Variants in ZZZ3 observed in about 807,000 individuals in gnomAD.
ZZZ3 encodes the protein zinc finger ZZ-type containing 3.
A neutral mutation model predicts 95.2 loss-of-function variants in ZZZ3; 22 were observed. The observed-to-expected ratio is 0.23, with a 90% confidence interval of 0.17 to 0.33. ZZZ3 has a LOEUF of 0.33. Ranked by LOEUF, ZZZ3 falls within the 10% of genes least tolerant of loss-of-function variation. The pLI, the probability that ZZZ3 is intolerant of heterozygous loss-of-function variation, is 1.00. For missense variants in ZZZ3, 885 were observed against 1,066.5 expected (o/e 0.83, Z 2.37); for synonymous variants, 335 against 358.9 (o/e 0.93, Z 0.75).
chr1:77,592,085 G>A (rs968068629), intron 5 of ZZZ3, among the ~76,000 whole-genome samples: 2 of 152,000 alleles, frequency 1.3e-5, no homozygotes, highest in South Asian at 2.1e-4. Context: ...TGGGACTGAG[G>A]AAAGAATACA....
intron 5 of ZZZ3, among the ~76,000 whole-genome samples, chr1:77,620,496 A>C (rs985884695): frequency 8.7e-6 from 1 of 114,702 alleles, no homozygotes; most frequent in African/African-American, 5.4e-5. Context: ...GAAGGAAGGA[A>C]GGAAGGAAGG....
At chr1:77,599,071 AG>A (rs1478605735) in intron 5 of ZZZ3, among the ~76,000 whole-genome samples, 3 of 152,276 alleles carry the variant, frequency 2.0e-5, no homozygotes, top group African/African-American at 7.2e-5. Flanking sequence ...GTCCTTTTAT[AG>A]AATCATATTA....
At chr1:77,583,514 C>T (rs551449652) in intron 6 of ZZZ3, among the ~76,000 whole-genome samples, 3 of 151,994 alleles carry the variant, frequency 2.0e-5, no homozygotes, top group East Asian at 1.9e-4. Context: ...ATATCTATTA[C>T]GATATTCAAT....
intron 1 of ZZZ3, among the ~76,000 whole-genome samples, chr1:77,659,824 TTTTGTTTG>T (rs373522358): frequency 4.7e-5 from 7 of 150,384 alleles, no homozygotes; most frequent in African/African-American, 1.7e-4. Context: ...GTTGTTGTGG[TTTTGTTTG>T]TTTGTTTGTT....
At position 77,639,532 on chromosome 1, in the gene ZZZ3, GAGCTTA is replaced by G; in HGVS notation, c.-141_-136del. 7.4e-7 allele frequency: 1 copy of G among 1,347,652 alleles called. No homozygotes were observed. The highest frequency in any genetic ancestry group is 1.7e-5 in the South Asian group (1 of 58,886). 83.5% of individuals were successfully genotyped at this position (1,347,652 alleles called of 1,614,324 possible). A position where few individuals can be genotyped will look rare whatever the true frequency, so the allele number is the denominator to read the frequency against. ...GGAGTTGGAGCTATGATCTAGAATGGAGCTTAAGCATCAGGGTTTCAGACTCTCTCA... is the reference window on the plus strand; with the variant it reads ...GGAGTTGGAGCTATGATCTAGAATGGAGCATCAGGGTTTCAGACTCTCTCA... On this transcript the variant is annotated 5_prime_UTR_variant, in exon 4 of 15. Coordinates refer to ENST00000370801, the MANE Select transcript of ZZZ3 (RefSeq NM_015534.6).
At chr1:77,630,847 T>A (rs1359593514) in intron 5 of ZZZ3, among the ~76,000 whole-genome samples, 1 of 152,216 alleles carries the variant, frequency 6.6e-6, no homozygotes, top group Non-Finnish European at 1.5e-5. Flanking sequence ...ATCTGACACA[T>A]ACCAGGGTCT....
At chr1:77,578,563 T>G (rs1662193723) in intron 11 of ZZZ3, among the ~76,000 whole-genome samples, 1 of 152,242 alleles carries the variant, frequency 6.6e-6, no homozygotes, top group African/African-American at 2.4e-5. Flanking sequence ...TCATTCACAT[T>G]ACTCCAAAGA....
chr1:77,601,987 T>C (rs2100678614), intron 5 of ZZZ3, among the ~76,000 whole-genome samples: 1 of 152,340 alleles, frequency 6.6e-6, no homozygotes, highest in South Asian at 2.1e-4. Flanking sequence ...TCCGCTCTGC[T>C]AATCTGCTGA....
chr1:77,664,179 C>T (rs1157690700), intron 1 of ZZZ3, among the ~76,000 whole-genome samples: 1 of 151,840 alleles, frequency 6.6e-6, no homozygotes, highest in East Asian at 1.9e-4. Context: ...CTGTAGTAGC[C>T]TAATTAATCT....
At position 77,566,069 on chromosome 1, in the gene ZZZ3, G is replaced by T. The variant is rs760361310; in HGVS notation, c.2567+12C>A. 16 of 1,598,484 alleles carry T rather than the reference G, an allele frequency of 1.0e-5. No homozygotes were observed. The South Asian group carries it at 1.8e-4, about 18-fold the overall frequency. On this transcript the variant is annotated intron_variant, in intron 14 of 14. Coordinates refer to ENST00000370801, the MANE Select transcript of ZZZ3 (RefSeq NM_015534.6). ...GTCTAAGTTGAAGACTGACAATGAA[G>T]AAAACACTTACCAGTCTGAACAAGA...
At chr1:77,682,931 C>A (rs1377631632), upstream of ZZZ3, among the ~76,000 whole-genome samples, 1 of 152,202 alleles carries the variant, frequency 6.6e-6, no homozygotes, top group Non-Finnish European at 1.5e-5. Flanking sequence ...CAGTGCGCTG[C>A]CCCAGGCAGC....
chr1:77,595,495 A>G (rs1050118302), intron 5 of ZZZ3, among the ~76,000 whole-genome samples: 7 of 152,032 alleles, frequency 4.6e-5, no homozygotes, highest in Admixed American at 4.6e-4. Flanking sequence ...TCAGGCTTTT[A>G]GTTTCCTCTT....
At chr1:77,631,703 T>C (rs1270861474) in intron 5 of ZZZ3, 147 bp downstream of exon 5, 6 of 604,214 alleles carry the variant, frequency 9.9e-6, no homozygotes, top group Non-Finnish European at 1.1e-5. Context: ...TTTTGGAGTT[T>C]TTCTAAGAGT....
intron 1 of ZZZ3, among the ~76,000 whole-genome samples, chr1:77,657,681 T>C (rs892861855): frequency 2.0e-5 from 3 of 152,168 alleles, no homozygotes; most frequent in Admixed American, 6.5e-5. Flanking sequence ...GAACAGACTA[T>C]AGTCATCCCT....
chr1:77,648,132 G>A (rs937346088), intron 1 of ZZZ3, among the ~76,000 whole-genome samples: 31 of 152,174 alleles, frequency 2.0e-4, no homozygotes, highest in East Asian at 1.2e-3. Flanking sequence ...GCCAAGGTGG[G>A]TGATTGCTTG....
At chr1:77,592,447 G>A (rs1392225848) in intron 5 of ZZZ3, among the ~76,000 whole-genome samples, 1 of 152,054 alleles carries the variant, frequency 6.6e-6, no homozygotes, top group Admixed American at 6.5e-5. Flanking sequence ...GATTACAGGT[G>A]CACACCACCA....
chr1:77,631,798 C>G (rs375269083), intron 5 of ZZZ3, 52 bp downstream of exon 5: 5 of 1,397,736 alleles, frequency 3.6e-6, no homozygotes, highest in Non-Finnish European at 4.8e-6. Flanking sequence ...TACTGAAAAA[C>G]TTGGGGAATA....
rs181390133 is a variant in ZZZ3, at chr1:77,674,945, C to T, written c.-403+7640G>A. Among the ~76,000 whole-genome samples the T allele has an allele frequency of 3.2e-3, 450 of 140,722 alleles. 2 individuals are homozygous for T. Among genetic ancestry groups the T allele is most frequent in the African/African-American group, 0.011 (427 of 37,656 alleles). 92.3% of individuals were successfully genotyped at this position (140,722 alleles called of 152,430 possible). A position where few individuals can be genotyped will look rare whatever the true frequency, so the allele number is the denominator to read the frequency against. ...CCAGCCTGGGCAACAGAGTAAGACTCGGTCTCAAAAAAAAAAAAAAAAAGA... is the reference window on the plus strand; with the variant it reads ...CCAGCCTGGGCAACAGAGTAAGACTTGGTCTCAAAAAAAAAAAAAAAAAGA... On this transcript the variant is annotated intron_variant, in intron 1 of 14. Coordinates refer to ENST00000370801, the MANE Select transcript of ZZZ3 (RefSeq NM_015534.6).
chr1:77,657,774 A>G (rs768714924), intron 1 of ZZZ3, among the ~76,000 whole-genome samples: 1 of 152,234 alleles, frequency 6.6e-6, no homozygotes, highest in Non-Finnish European at 1.5e-5. Context: ...ACAAGCATAT[A>G]GTATCCAATA....
Sources: allele counts gnomAD v4.1 joint callset (sites outside exome capture counted in the v4.1 genomes callset), GRCh38; gene constraint gnomAD v4.1.1; transcripts MANE v1.5; gene names NCBI Gene and HGNC (gene_info 2026-07-23, HGNC 2026-07-21).